Variants in ICAM5 observed in about 807,000 individuals in gnomAD.
The protein encoded by ICAM5 is intercellular adhesion molecule 5, also known as ICAM-5.
ICAM5 carries 38 observed loss-of-function variants against 78.8 expected under a neutral mutation model. That is an observed-to-expected ratio of 0.48 (90% CI 0.37 to 0.63). ICAM5 has a LOEUF of 0.63. Ranked by LOEUF, ICAM5 falls within the 30% of genes least tolerant of loss-of-function variation. ICAM5 has a pLI of 0.00. For missense variants in ICAM5, 1,059 were observed against 1,303.0 expected, an observed-to-expected ratio of 0.81 and a Z score of 2.88; for synonymous variants, 544 against 590.9, an observed-to-expected ratio of 0.92 and a Z score of 1.15.
At position 10,293,384 on chromosome 19, in the gene ICAM5, G is replaced by A; in HGVS notation, c.1465+138G>A. On this transcript the variant is annotated intron_variant, in intron 6 of 10. Transcript: ENST00000221980. This position sits in a 1 kb window ranked among gnomAD's most constrained non-coding sequence, Gnocchi z 5.0. The stretch of plus-strand genomic sequence containing the variant: ...GGAAAGGGAAGAGGCTGGTTAGTGG[G>A]GTTGGAGAAAGATCTTGGAGGATGG... 2.4e-6 allele frequency: 3 copies of A among 1,229,688 alleles called. No homozygotes were observed. The highest frequency in any genetic ancestry group is 3.3e-6 in the Non-Finnish European group (3 of 897,988). The allele number at this position is 1,229,688 out of a possible 1,614,324, so 76.2% of individuals were successfully genotyped here.
Position 10,292,733 on chromosome 19 carries a change from C to T in ICAM5, c.1083C>T (p.Val361=). ...LVTLEGVPAA[V]PGQPAQLQLN... ...CACTGGAGGGAGTTCCAGCCGCGGT[C>T]CCGGGGCAGCCCGCCCAGCTTCAGC... The change falls in exon 5 of 11, where the codon GTC becomes GTT. Residue 361 remains valine, a synonymous_variant. Transcript: ENST00000221980. 6.2e-7 allele frequency: 1 copy of T among 1,613,434 alleles called. No individual in the cohort carries two copies. Among genetic ancestry groups the T allele is most frequent in the Non-Finnish European group, 8.5e-7 (1 of 1,179,972 alleles).
chr19:10,293,263 AGGGTG>A lies in ICAM5; in HGVS notation c.1465+18_1465+22del. ...CGGTGGAGTGTGAGTGGGGGTGCGC[AGGGTG>A]CATTTCTATCTGGTTCAAGGTCTGG... On this transcript the variant is annotated intron_variant, in intron 6 of 10. Coordinates refer to ENST00000221980, the MANE Select transcript of ICAM5 (RefSeq NM_003259.4). The surrounding 1 kb of genome is among the most constrained non-coding windows in gnomAD (Gnocchi z 5.0). The A allele has an allele frequency of 6.4e-7, 1 of 1,563,290 alleles. No homozygotes were observed.
Position 10,295,584 on chromosome 19 carries a change from C to G in ICAM5, c.2469C>G (p.His823Gln), listed in dbSNP as rs1008313443. Reference sequence around the variant, plus strand: ...CAGCCACCAACGCGCACGGGCGCCACGCGCGGCGCATCACGGTGCGCGTGG... The same window carrying G: ...CAGCCACCAACGCGCACGGGCGCCAGGCGCGGCGCATCACGGTGCGCGTGG... ...ECAATNAHGR[H>Q]ARRITVRVAG... Residue 823 changes from histidine to glutamine, a missense_variant, in exon 10 of 11, where the codon CAC (histidine) becomes CAG (glutamine). Physicochemically the swap from His to Gln is conservative, Grantham distance 24. Transcript: ENST00000221980. 1 of 1,544,140 alleles carries G rather than the reference C, an allele frequency of 6.5e-7. No homozygotes were observed. The highest frequency in any genetic ancestry group is 2.0e-5 in the Admixed American group (1 of 50,922).
chr19:10,293,885 C>T lies in ICAM5; in HGVS notation c.1653C>T (p.Arg551=). 1.2e-6 allele frequency: 2 copies of T among 1,611,588 alleles called. No individual in the cohort carries two copies. The highest frequency in any genetic ancestry group is 2.2e-5 in the South Asian group (2 of 91,080). Residue 551 remains arginine, a synonymous_variant, in exon 7 of 11, where the codon CGC becomes CGT. Coordinates refer to ENST00000221980, the MANE Select transcript of ICAM5 (RefSeq NM_003259.4). The surrounding 1 kb of genome is among the most constrained non-coding windows in gnomAD (Gnocchi z 5.0). Reference sequence around the variant, plus strand: ...CCCGGGAGCATGCGGGCACTTACCGCTGCGAAGCCACCAACCCTCGGGGCT... The same window carrying T: ...CCCGGGAGCATGCGGGCACTTACCGTTGCGAAGCCACCAACCCTCGGGGCT... ...RVAREHAGTY[R]CEATNPRGSA... is the part of the protein sequence containing the mutation.
chr19:10,291,769 G>A lies in ICAM5; in HGVS notation c.633G>A (p.Leu211=). The change falls in exon 3 of 11, where the codon CTG becomes CTA. Residue 211 remains leucine, a synonymous_variant. Coordinates refer to ENST00000221980, the MANE Select transcript of ICAM5 (RefSeq NM_003259.4). ...ELDLRPHGLG[L]FENSSAPREL... is the part of the protein sequence containing the mutation. Reference sequence around the variant, plus strand: ...ACCTGCGGCCGCACGGACTGGGACTGTTTGAAAACAGCTCGGCCCCCAGAG... The same window carrying A: ...ACCTGCGGCCGCACGGACTGGGACTATTTGAAAACAGCTCGGCCCCCAGAG... 6.2e-7 allele frequency: 1 copy of A among 1,612,104 alleles called. No homozygotes were observed. Among genetic ancestry groups the A allele is most frequent in the Non-Finnish European group, 8.5e-7 (1 of 1,179,778 alleles).
Position 10,292,981 on chromosome 19 carries a change from C to G in ICAM5, c.1217-17C>G. ...TTCTTACGTCTAAGCCTCTGTAACC[C>G]CACGCCCTGCCCGCAGACGCTCCCC... On this transcript the variant is annotated splice_polypyrimidine_tract_variant and intron_variant, in intron 5 of 10. Coordinates refer to ENST00000221980, the MANE Select transcript of ICAM5 (RefSeq NM_003259.4). The G allele has an allele frequency of 6.2e-7, 1 of 1,610,914 alleles. No individual in the cohort carries two copies. The highest frequency in any genetic ancestry group is 8.5e-7 in the Non-Finnish European group (1 of 1,179,868).
At position 10,290,237 on chromosome 19, in the gene ICAM5, GC is replaced by G; in HGVS notation, c.82+117del. On this transcript the variant is annotated intron_variant, in intron 1 of 10. Transcript: ENST00000221980. The surrounding 1 kb of genome is among the most constrained non-coding windows in gnomAD (Gnocchi z 5.7). Reference sequence around the variant, plus strand: ...GCCCTCGCCTCGCTCCCACGCCTCTGCCCCCACCTCGAGCCTGAGTCTTCTC... The same window carrying G: ...GCCCTCGCCTCGCTCCCACGCCTCTGCCCCACCTCGAGCCTGAGTCTTCTC... The G allele has an allele frequency of 1.3e-6, 1 of 753,730 alleles. No individual in the cohort carries two copies. The highest frequency in any genetic ancestry group is 2.0e-6 in the Non-Finnish European group (1 of 494,542). 46.7% of individuals were successfully genotyped at this position (753,730 alleles called of 1,614,324 possible).
Position 10,290,383 on chromosome 19 carries a change from G to A in ICAM5, c.82+258G>A, listed in dbSNP as rs980442952. ...CCCAACCCTTCGCCCTGGAGACCCA[G>A]TGTCTCTCCTGTCCGCTCCCCGGGT... On this transcript the variant is annotated intron_variant, in intron 1 of 10. Transcript: ENST00000221980. This position sits in a 1 kb window ranked among gnomAD's most constrained non-coding sequence, Gnocchi z 5.7. 2.2e-6 allele frequency: 1 copy of A among 452,478 alleles called. No homozygotes were observed. The highest frequency in any genetic ancestry group is 3.9e-6 in the Non-Finnish European group (1 of 254,510). 28.0% of individuals were successfully genotyped at this position (452,478 alleles called of 1,614,324 possible).
chr19:10,293,503 G>C lies in ICAM5; in HGVS notation c.1466-195G>C, dbSNP rs2040193442. Among the ~76,000 whole-genome samples the C allele has an allele frequency of 6.6e-6, 1 of 152,144 alleles. No individual in the cohort carries two copies. The highest frequency in any genetic ancestry group is 1.5e-5 in the Non-Finnish European group (1 of 68,026). ...GTCCAGAGTGTTTAAGTTTTTAGACGAAAAAGGCGCCACTGGTGGCTCAGG... is the reference window on the plus strand; with the variant it reads ...GTCCAGAGTGTTTAAGTTTTTAGACCAAAAAGGCGCCACTGGTGGCTCAGG... On this transcript the variant is annotated intron_variant, in intron 6 of 10. Coordinates refer to ENST00000221980, the MANE Select transcript of ICAM5 (RefSeq NM_003259.4). This position sits in a 1 kb window ranked among gnomAD's most constrained non-coding sequence, Gnocchi z 5.0.
chr19:10,292,732 T>C lies in ICAM5; in HGVS notation c.1082T>C (p.Val361Ala). The C allele has an allele frequency of 2.5e-6, 4 of 1,613,012 alleles. No individual in the cohort carries two copies. The highest frequency in any genetic ancestry group is 3.4e-6 in the Non-Finnish European group (4 of 1,179,858). The part of the protein sequence containing the change: ...LVTLEGVPAA[V>A]PGQPAQLQLN... ...ACACTGGAGGGAGTTCCAGCCGCGG[T>C]CCCGGGGCAGCCCGCCCAGCTTCAG... is the stretch of plus-strand genomic sequence containing the variant. Residue 361 changes from valine (V) to alanine (A), a missense_variant, in exon 5 of 11, where the codon GTC becomes GCC. Physicochemically the swap from Val to Ala is moderately conservative, Grantham distance 64. Around this residue, in one of 3 missense-constraint regions of ICAM5, gnomAD observed 815 missense variants for 952.8 expected, o/e 0.86. Transcript: ENST00000221980.
At position 10,292,651 on chromosome 19, in the gene ICAM5, T is replaced by C. The variant is rs771982287; in HGVS notation, c.1001T>C (p.Val334Ala). The C allele has an allele frequency of 3.1e-6, 5 of 1,598,214 alleles. No individual in the cohort carries two copies. Among genetic ancestry groups the C allele is most frequent in the South Asian group, 2.2e-5 (2 of 90,268 alleles). Residue 334 changes from valine (V) to alanine (A), a missense_variant, in exon 5 of 11, where the codon GTC becomes GCC. Coordinates refer to ENST00000221980, the MANE Select transcript of ICAM5 (RefSeq NM_003259.4). Reference protein sequence around the residue: ...APLLTLSEPSVSEGQMVTVTC... With the variant: ...APLLTLSEPSASEGQMVTVTC... ...CTCCTGACCCTGAGCGAACCCAGCG[T>C]CTCCGAGGGGCAGATGGTGACAGTA...
chr19:10,291,230 C>T lies in ICAM5; in HGVS notation c.241C>T (p.Arg81Cys). ...CCGAAACGGGACCCAGAGGGGTTTG[C>T]GTTGGTTGGCGCGGCAGCTGGTGGA... ...LRRNGTQRGL[R>C]WLARQLVDIR... The change falls in exon 2 of 11, where the codon CGT (arginine) becomes TGT (cysteine). Residue 81 changes from arginine (R) to cysteine (C), a missense_variant. Arg to Cys is a radical substitution (Grantham distance 180). Around this residue, in one of 3 missense-constraint regions of ICAM5, gnomAD observed 815 missense variants for 952.8 expected, o/e 0.86. Transcript: ENST00000221980. 1 of 1,612,420 alleles carries T rather than the reference C, an allele frequency of 6.2e-7. No homozygotes were observed. Among genetic ancestry groups the T allele is most frequent in the Non-Finnish European group, 8.5e-7 (1 of 1,179,902 alleles).
chr19:10,295,645 T>C, intron 10 of ICAM5, 33 bp downstream of exon 10: 1 of 1,522,022 alleles, frequency 6.6e-7, no homozygotes, highest in Middle Eastern at 1.8e-4. Context: ...CGGGGCGAGG[T>C]ATCTGAGAGG....
In ICAM5 at chr19:10,293,065, G is replaced by T; in HGVS notation, c.1284G>T (p.Thr428=). Residue 428 remains threonine, a synonymous_variant, in exon 6 of 11, where the codon ACG becomes ACT. Transcript: ENST00000221980. The surrounding 1 kb of genome is among the most constrained non-coding windows in gnomAD (Gnocchi z 5.0). ...CGTGGCCCGAGGGCCCAGAGCAGACGCTGCGCTGCGAGGCCCGCGGGAACC... is the reference window on the plus strand; with the variant it reads ...CGTGGCCCGAGGGCCCAGAGCAGACTCTGCGCTGCGAGGCCCGCGGGAACC... ...SWTWPEGPEQ[T]LRCEARGNPE... is the part of the protein sequence containing the mutation. 1.2e-6 allele frequency: 2 copies of T among 1,610,382 alleles called. No homozygotes were observed. The highest frequency in any genetic ancestry group is 8.5e-7 in the Non-Finnish European group (1 of 1,179,896).
Position 10,290,988 on chromosome 19 carries a change from C to T in ICAM5, c.83-84C>T, listed in dbSNP as rs2040166315. 1.0e-5 allele frequency: 15 copies of T among 1,469,518 alleles called. No homozygotes were observed. Among genetic ancestry groups the T allele is most frequent in the Non-Finnish European group, 1.4e-5 (15 of 1,099,544 alleles). 91.0% of individuals were successfully genotyped at this position (1,469,518 alleles called of 1,614,324 possible). ...GCAGCCTCTCCTCCTCCTCCCCGCC[C>T]TCTGAGAACCCTTGACTCGACATAG... On this transcript the variant is annotated intron_variant, in intron 1 of 10. Coordinates refer to ENST00000221980, the MANE Select transcript of ICAM5 (RefSeq NM_003259.4). This position sits in a 1 kb window ranked among gnomAD's most constrained non-coding sequence, Gnocchi z 5.7.
intron 4 of ICAM5, 97 bp downstream of exon 4, chr19:10,292,419 C>T: frequency 1.4e-6 from 2 of 1,400,786 alleles, no homozygotes; most frequent in Non-Finnish European, 1.9e-6. Flanking sequence ...CCGGAACAGG[C>T]GTGGCCCGAG....
chr19:10,292,334 G>A lies in ICAM5; in HGVS notation c.961+12G>A. The A allele has an allele frequency of 2.5e-6, 4 of 1,577,842 alleles. No individual in the cohort carries two copies. Among genetic ancestry groups the A allele is most frequent in the Non-Finnish European group, 3.4e-6 (4 of 1,163,902 alleles). ...CGTGACCATCTACAGTAAGGAAGGA[G>A]GCGGGGTCTCCGCGGCTCCGAGGTG... On this transcript the variant is annotated intron_variant, in intron 4 of 10. Transcript: ENST00000221980.
At chr19:10,292,457 A>C in intron 4 of ICAM5, 135 bp downstream of exon 4, 2 of 1,361,794 alleles carry the variant, frequency 1.5e-6, no homozygotes, top group Non-Finnish European at 2.0e-6. Context: ...GCGGAGACGT[A>C]ATCGCTGGGG....
chr19:10,290,991 T>A lies in ICAM5; in HGVS notation c.83-81T>A, dbSNP rs2040166334. On this transcript the variant is annotated intron_variant, in intron 1 of 10. Coordinates refer to ENST00000221980, the MANE Select transcript of ICAM5 (RefSeq NM_003259.4). The surrounding 1 kb of genome is among the most constrained non-coding windows in gnomAD (Gnocchi z 5.7). The stretch of plus-strand genomic sequence containing the variant: ...GCCTCTCCTCCTCCTCCCCGCCCTC[T>A]GAGAACCCTTGACTCGACATAGGGG... 6.8e-7 allele frequency: 1 copy of A among 1,476,366 alleles called. No homozygotes were observed. Among genetic ancestry groups the A allele is most frequent in the Non-Finnish European group, 9.1e-7 (1 of 1,103,396 alleles). 91.5% of individuals were successfully genotyped at this position (1,476,366 alleles called of 1,614,324 possible). A position where few individuals can be genotyped will look rare whatever the true frequency, so the allele number is the denominator to read the frequency against.
Sources: gnomAD v4.1 joint callset for allele counts (sites outside exome capture counted in the v4.1 genomes callset) on GRCh38, gnomAD v4.1.1 for gene constraint, gnomAD v4.1.1 regional missense constraint, Gnocchi (gnomAD v3.1) non-coding constraint, MANE v1.5 for transcripts, NCBI Gene and HGNC (gene_info 2026-07-23, HGNC 2026-07-21) for gene names.